SEM1: variants seen among roughly 807,000 people sequenced by gnomAD.
SEM1 encodes the protein SEM1 26S proteasome subunit.
In SEM1, 3 loss-of-function variants were observed where a neutral mutation model predicts 12.7. The observed-to-expected ratio is 0.24, with a 90% CI of 0.11 to 0.61. The LOEUF is 0.61. Ranked by LOEUF, SEM1 falls within the 20% of genes least tolerant of loss-of-function variation. The pLI is 0.88. For synonymous variants in SEM1, 30 were observed against 27.8 expected (o/e 1.08, Z -0.25); for missense variants, 59 against 81.3 (o/e 0.73, Z 1.06).
chr7:96,706,714 C>A (rs774786718), intron 1 of SEM1, among the ~76,000 whole-genome samples: 7 of 152,072 alleles, frequency 4.6e-5, no homozygotes, highest in Non-Finnish European at 1.0e-4. Flanking sequence ...GAAAGACCCA[C>A]TCCCAAAAGA....
intron 2 of SEM1, among the ~76,000 whole-genome samples, chr7:96,585,834 G>C (rs529125817): frequency 7.2e-5 from 11 of 151,948 alleles, no homozygotes; most frequent in African/African-American, 2.7e-4. Context: ...GCTTGCACAC[G>C]GTGCGCGCAC....
At chr7:96,488,392 C>T (rs771858616) in intron 1 of SEM1, among the ~76,000 whole-genome samples, 27 of 151,968 alleles carry the variant, frequency 1.8e-4, no homozygotes, top group African/African-American at 5.8e-4. Context: ...AAATCTAGAG[C>T]GAGTAAGAGA....
chr7:96,608,257 T>C (rs990890239), intron 2 of SEM1, among the ~76,000 whole-genome samples: 2 of 152,196 alleles, frequency 1.3e-5, no homozygotes, highest in South Asian at 2.1e-4. Context: ...AAAGAGCTTT[T>C]GTTAGTACCC....
At chr7:96,684,610 G>A (rs1031911549), downstream of SEM1, among the ~76,000 whole-genome samples, 1 of 152,112 alleles carries the variant, frequency 6.6e-6, no homozygotes, top group Non-Finnish European at 1.5e-5. Context: ...GATATTGGGA[G>A]AACAGAAGAT....
intron 2 of SEM1, among the ~76,000 whole-genome samples, chr7:96,485,774 T>C (rs927962456): frequency 4.6e-5 from 7 of 151,976 alleles, no homozygotes; most frequent in Non-Finnish European, 8.8e-5. Flanking sequence ...ACTCCTGAAC[T>C]TGTGATCTGT....
intron 2 of SEM1, chr7:96,647,676 A>G (rs1379043938): frequency 6.6e-6 from 1 of 152,210 alleles, no homozygotes; most frequent in Non-Finnish European, 1.5e-5. Context: ...CAGAACTGAT[A>G]TTACATCCCA....
At chr7:96,541,440 T>G (rs1286717962) in intron 2 of SEM1, among the ~76,000 whole-genome samples, 4 of 134,930 alleles carry the variant, frequency 3.0e-5, no homozygotes, top group Admixed American at 7.4e-5. Context: ...GGTTTTTTTT[T>G]TTGTTTTTTT....
intron 2 of SEM1, chr7:96,558,052 A>G (rs1314082332): frequency 6.5e-6 from 1 of 154,280 alleles, no homozygotes; most frequent in Non-Finnish European, 1.4e-5. Flanking sequence ...CGGCTCGCAC[A>G]CGGTGCGCAC....
chr7:96,559,403 T>C (rs975503010), intron 2 of SEM1, among the ~76,000 whole-genome samples: 2 of 152,000 alleles, frequency 1.3e-5, no homozygotes, highest in African/African-American at 4.8e-5. Flanking sequence ...CACCTCAGCC[T>C]CCCAGGTAGC....
chr7:96,520,099 C>G (rs1225627115), intron 2 of SEM1, among the ~76,000 whole-genome samples: 1 of 152,084 alleles, frequency 6.6e-6, no homozygotes, highest in Non-Finnish European at 1.5e-5. Context: ...TTATAATCAT[C>G]CCAGCTGAGA....
intron 2 of SEM1, chr7:96,650,597 T>A (rs1486992500): frequency 4.4e-6 from 3 of 688,860 alleles, no homozygotes; most frequent in Non-Finnish European, 5.2e-6. Context: ...ACACTGTAGG[T>A]CCCTAAAAGA....
At chr7:96,662,725 G>A (rs1789045996) in intron 2 of SEM1, among the ~76,000 whole-genome samples, 1 of 152,112 alleles carries the variant, frequency 6.6e-6, no homozygotes, top group African/African-American at 2.4e-5. Flanking sequence ...TCAATAAATG[G>A]TGTTTGGACA....
intron 2 of SEM1, among the ~76,000 whole-genome samples, chr7:96,625,792 G>T (rs1041424962): frequency 6.6e-6 from 1 of 152,158 alleles, no homozygotes; most frequent in African/African-American, 2.4e-5. Context: ...TTTACACGTG[G>T]TGTGTAAAAT....
chr7:96,581,333 T>TCTGTTTTGGTACCAGTACCATG (rs1806398797), intron 2 of SEM1, among the ~76,000 whole-genome samples: 1 of 152,190 alleles, frequency 6.6e-6, no homozygotes, highest in Non-Finnish European at 1.5e-5. Flanking sequence ...GATCTTTATC[T>TCTGTTTTGGTACCAGTACCATG]CTGTTTTGGT....
chr7:96,591,550 A>AGCTCTACACAT (rs1389738153), intron 2 of SEM1, among the ~76,000 whole-genome samples: 1 of 152,250 alleles, frequency 6.6e-6, no homozygotes, highest in East Asian at 1.9e-4. Context: ...CAATATAGCT[A>AGCTCTACACAT]GCTCTACACA....
At chr7:96,492,252 CT>C (rs1436068404) in intron 1 of SEM1, among the ~76,000 whole-genome samples, 8 of 152,176 alleles carry the variant, frequency 5.3e-5, no homozygotes, top group Non-Finnish European at 1.0e-4. Flanking sequence ...CCTTCAACCC[CT>C]GATAAACTCC....
At chr7:96,666,524 G>A (rs1018153424) in intron 2 of SEM1, among the ~76,000 whole-genome samples, 1 of 152,026 alleles carries the variant, frequency 6.6e-6, no homozygotes, top group Non-Finnish European at 1.5e-5. Flanking sequence ...AAGTGTAGCT[G>A]TAGTATGATA....
At chr7:96,630,205 C>T (rs1305901382) in intron 2 of SEM1, among the ~76,000 whole-genome samples, 2 of 152,238 alleles carry the variant, frequency 1.3e-5, no homozygotes, top group Non-Finnish European at 2.9e-5. Context: ...GGCCTGTGTT[C>T]TTCCTTTCAG....
At chr7:96,688,655 AG>A, downstream of SEM1, 2 of 249,728 alleles carry the variant, frequency 8.0e-6, no homozygotes, top group South Asian at 1.3e-4. Context: ...AAAAAAAAAA[AG>A]AAAATTTCAT....
Sources: gnomAD v4.1 joint callset for allele counts (sites outside exome capture counted in the v4.1 genomes callset) on GRCh38, gnomAD v4.1.1 for gene constraint, MANE v1.5 for transcripts, NCBI Gene and HGNC (gene_info 2026-07-23, HGNC 2026-07-21) for gene names.